The following GFUS variants were observed in gnomAD, a reference collection of about 807,000 sequenced individuals.
The protein encoded by GFUS is 3-5 epimerase/4-reductase.
Under a neutral mutation model 41.5 loss-of-function variants are expected in GFUS, and 42 were observed. The observed-to-expected ratio is 1.01, with a 90% CI of 0.79 to 1.31. GFUS has a LOEUF of 1.31. Among genes scored for constraint, GFUS ranks in the 50% most tolerant of loss-of-function variants. The probability of loss-of-function intolerance (pLI) is 0.00; values close to 1 mark genes in which losing one functional copy is unlikely to be tolerated. For synonymous variants in GFUS, 188 were observed against 173.4 expected (o/e 1.08, Z -0.66); for missense variants, 437 against 428.7 (o/e 1.02, Z -0.17).
At chr8:143,617,285 C>G (rs1034395769) in intron 1 of GFUS, 189 bp downstream of exon 1, 1 of 155,310 alleles carries the variant, frequency 6.4e-6, no homozygotes, top group Non-Finnish European at 1.4e-5. Flanking sequence ...AGGGCCAGCC[C>G]TTAGGGGAGG....
At chr8:143,614,576 C>G (rs769318840) in intron 5 of GFUS, 48 bp downstream of exon 5, 16 of 1,560,382 alleles carry the variant, frequency 1.0e-5, no homozygotes, top group Non-Finnish European at 5.2e-6. Context: ...CCCCTGGGGG[C>G]CCTCTCCCCG....
chr8:143,613,430 G>A (rs1036173877), intron 9 of GFUS, 94 bp downstream of exon 9: 19 of 1,501,336 alleles, frequency 1.3e-5, no homozygotes, highest in East Asian at 2.3e-5. Context: ...TCCTCCCTCC[G>A]CAGTGTCCCA....
rs745340409 is a variant in GFUS, at chr8:143,614,503, C to T, written c.465-50G>A. ...CCTCGTCCTGGGCCCGCGATCCCACCCCAGGCTGCCGCTGGCCTCTTACTG... is the reference window on the plus strand; with the variant it reads ...CCTCGTCCTGGGCCCGCGATCCCACTCCAGGCTGCCGCTGGCCTCTTACTG... On this transcript the variant is annotated intron_variant, in intron 5 of 10. Coordinates refer to ENST00000425753, the MANE Select transcript of GFUS (RefSeq NM_003313.4). The T allele has an allele frequency of 3.8e-6, 6 of 1,577,810 alleles. No homozygotes were observed. The Admixed American group carries it at 1.0e-4, about 27-fold the overall frequency.
intron 3 of GFUS, 30 bp downstream of exon 3, chr8:143,616,070 TGGTTTC>T (rs1829716625): frequency 6.6e-7 from 1 of 1,509,968 alleles, no homozygotes; most frequent in Non-Finnish European, 9.0e-7. Context: ...CCTGGGATCC[TGGTTTC>T]CAGTGCTTGC....
chr8:143,614,814 C>G lies in GFUS; in HGVS notation c.363G>C (p.Lys121Asn). 6.2e-7 allele frequency: 1 copy of G among 1,613,736 alleles called. No individual in the cohort carries two copies. Among genetic ancestry groups the G allele is most frequent in the Non-Finnish European group, 8.5e-7 (1 of 1,180,008 alleles). Residue 121 changes from lysine (K) to asparagine (N), a missense_variant, in exon 4 of 11, where the codon AAG (lysine) becomes AAC (asparagine). By Grantham distance (94) the Lys-to-Asn change is moderately conservative (BLOSUM62 0). Coordinates refer to ENST00000425753, the MANE Select transcript of GFUS (RefSeq NM_003313.4). Reference sequence around the variant, plus strand: ...TGGTCTCATCTATCGGGTAGGTCGTCTTGTCAGGGAAGATACAGGTGGACA... The same window carrying G: ...TGGTCTCATCTATCGGGTAGGTCGTGTTGTCAGGGAAGATACAGGTGGACA... ...SCLSTCIFPD[K>N]TTYPIDETMI...
Position 143,616,599 on chromosome 8 carries a change from C to T in GFUS, c.114G>A (p.Trp38Ter), listed in dbSNP as rs1472417541. The T allele has an allele frequency of 1.2e-6, 2 of 1,613,850 alleles. No individual in the cohort carries two copies. The highest frequency in any genetic ancestry group is 1.1e-5 in the South Asian group (1 of 91,082). Residue 38 changes from tryptophan to a stop codon, truncating the protein, a stop_gained, in exon 2 of 11, where the codon TGG becomes TGA. Transcript: ENST00000425753. LOFTEE classifies it high-confidence loss of function. ...CGGCGTCTTTAGAGGAGACAAACAC[C>T]CAGTCCTCTCCAGGAAGTCCAGCTC... The part of the protein sequence containing the change: ...ADGAGLPGED[W>*]VFVSSKDADL...
At chr8:143,614,602 T>A (rs1004661059) in intron 5 of GFUS, 22 bp downstream of exon 5, 8 of 1,570,556 alleles carry the variant, frequency 5.1e-6, no homozygotes, top group Non-Finnish European at 6.9e-6. Flanking sequence ...TGGCTGGGCC[T>A]CAGCAGGATG....
rs778856131 is a variant in GFUS, at chr8:143,616,367, G to T, written c.147-147C>A. The T allele has an allele frequency of 5.5e-4, 635 of 1,150,838 alleles. 2 individuals carry two copies. The highest frequency in any genetic ancestry group is 2.0e-4 in the Non-Finnish European group (150 of 767,124). 71.3% of individuals were successfully genotyped at this position (1,150,838 alleles called of 1,614,324 possible). On this transcript the variant is annotated intron_variant, in intron 2 of 10. Coordinates refer to ENST00000425753, the MANE Select transcript of GFUS (RefSeq NM_003313.4). ...GGGCCTGGCTGATATGAGGGTGCAGGCTTCCAGGAAGAGATGGGAGGGTGT... is the reference window on the plus strand; with the variant it reads ...GGGCCTGGCTGATATGAGGGTGCAGTCTTCCAGGAAGAGATGGGAGGGTGT...
At chr8:143,615,933 T>G (rs1829714063) in intron 3 of GFUS, 173 bp downstream of exon 3, 2 of 588,362 alleles carry the variant, frequency 3.4e-6, no homozygotes, top group Admixed American at 3.2e-5. Flanking sequence ...CAGCACCAAG[T>G]GTGAGTGACT....
intron 2 of GFUS, 120 bp downstream of exon 2, chr8:143,616,447 G>A (rs1829728287): frequency 1.3e-6 from 2 of 1,508,480 alleles, no homozygotes; most frequent in South Asian, 2.3e-5. Flanking sequence ...CCACCTGGCA[G>A]GAAGGACCCA....
chr8:143,614,538 C>A, intron 5 of GFUS, 85 bp from the exon 6 acceptor site: 4 of 1,559,130 alleles, frequency 2.6e-6, no homozygotes, highest in Admixed American at 1.8e-5. Flanking sequence ...GAGGCTGGCA[C>A]GAAGACCCGA....
intron 7 of GFUS, 48 bp from the exon 8 acceptor site, chr8:143,613,865 T>C (rs1428673651): frequency 6.5e-7 from 1 of 1,542,388 alleles, no homozygotes; most frequent in South Asian, 1.2e-5. Context: ...TAGCCAACCC[T>C]CTCCCAAACG....
At chr8:143,617,772 C>A (rs928556183), upstream of GFUS, among the ~76,000 whole-genome samples, 9 of 152,172 alleles carry the variant, frequency 5.9e-5, no homozygotes, top group Admixed American at 2.0e-4. Flanking sequence ...CTTGGGACGG[C>A]GGAAGGACAC....
In GFUS at chr8:143,614,442, TG is replaced by T. The variant is rs756746804; in HGVS notation, c.475del (p.Gln159SerfsTer47). On this transcript the variant is annotated frameshift_variant, in exon 6 of 11. Coordinates refer to ENST00000425753, the MANE Select transcript of GFUS (RefSeq NM_003313.4). LOFTEE classifies it high-confidence loss of function. ...AGCGGTGAAGGTGCAGCCGTACTGC[TG>T]GAAGTAGGCCCTGCGGAGGCACAGC... ...MIDVQNRAYF[Q>X]QYGCTFTAVI... 2.1e-5 allele frequency: 34 copies of T among 1,612,918 alleles called. No individual in the cohort carries two copies. In the South Asian group the frequency reaches 3.7e-4, roughly 18 times the overall value.
Position 143,612,636 on chromosome 8 carries a change from T to C in GFUS, c.*274A>G. 1 of 576,174 alleles carries C rather than the reference T, an allele frequency of 1.7e-6. No individual in the cohort carries two copies. 35.7% of individuals were successfully genotyped at this position (576,174 alleles called of 1,614,324 possible). A position where few individuals can be genotyped will look rare whatever the true frequency, so the allele number is the denominator to read the frequency against. On this transcript the variant is annotated 3_prime_UTR_variant, in exon 11 of 11. Transcript: ENST00000425753. Reference sequence around the variant, plus strand: ...AGGCCAGGCCTGTGAAAATGCACTTTATTGGCTCCCAGGGAGTGGGATGCA... The same window carrying C: ...AGGCCAGGCCTGTGAAAATGCACTTCATTGGCTCCCAGGGAGTGGGATGCA...
intron 3 of GFUS, among the ~76,000 whole-genome samples, chr8:143,615,162 G>C (rs1285612073): frequency 6.6e-6 from 1 of 152,124 alleles, no homozygotes; most frequent in Non-Finnish European, 1.5e-5. Context: ...CCCCAGCTCA[G>C]GGCTGGGCCC....
chr8:143,615,384 A>G (rs1829700024), intron 3 of GFUS, among the ~76,000 whole-genome samples: 1 of 152,180 alleles, frequency 6.6e-6, no homozygotes, highest in Non-Finnish European at 1.5e-5. Context: ...CTTCCCGTGC[A>G]TGAACTAGAC....
At chr8:143,616,456 C>CA (rs770990081) in intron 2 of GFUS, 111 bp downstream of exon 2, 1 of 1,547,580 alleles carries the variant, frequency 6.5e-7, no homozygotes, top group East Asian at 2.3e-5. Context: ...AGGAAGGACC[C>CA]AGAAACACAG....
chr8:143,613,560 C>T lies in GFUS; in HGVS notation c.774G>A (p.Ala258=), dbSNP rs377285886. ...CATGGAAGTCCATGGCCTCCACCAC[C>T]GCCTCGGCTGCCTCCTTGATGGAGA... ...DEVSIKEAAE[A]VVEAMDFHGE... Residue 258 remains alanine, a synonymous_variant, in exon 9 of 11, where the codon GCG becomes GCA. Transcript: ENST00000425753. 1.9e-5 allele frequency: 31 copies of T among 1,611,440 alleles called. No homozygotes were observed. The highest frequency in any genetic ancestry group is 1.6e-4 in the African/African-American group (12 of 75,062).
Sources: gnomAD v4.1 joint callset for allele counts (sites outside exome capture counted in the v4.1 genomes callset) on GRCh38, gnomAD v4.1.1 for gene constraint, MANE v1.5 for transcripts, NCBI Gene and HGNC (gene_info 2026-07-23, HGNC 2026-07-21) for gene names.